SDK1: variants seen among roughly 807,000 people sequenced by gnomAD.
The protein encoded by SDK1 is sidekick cell adhesion molecule 1, also known as protein sidekick-1.
A neutral mutation model predicts 245.5 loss-of-function variants in SDK1; 157 were observed. The observed-to-expected ratio is 0.64, with a 90% CI of 0.56 to 0.73. The LOEUF (loss-of-function observed/expected upper bound fraction) is 0.73, where lower values mean the gene tolerates loss of function less well. Ranked by LOEUF, SDK1 falls within the 30% of genes least tolerant of loss-of-function variation. SDK1 has a pLI of 0.00. For missense variants in SDK1, 3,583 were observed against 3,002.3 expected, an observed-to-expected ratio of 1.19 and a Z score of -4.52; for synonymous variants, 1,647 against 1,278.5, an observed-to-expected ratio of 1.29 and a Z score of -6.15.
chr7:4,039,251 A>G (rs890913106), intron 17 of SDK1, among the ~76,000 whole-genome samples: 1 of 152,098 alleles, frequency 6.6e-6, no homozygotes, highest in Admixed American at 6.5e-5. Flanking sequence ...ATGTATACAT[A>G]TGTAACTAAC....
At chr7:3,624,812 G>C (rs925715065) in intron 2 of SDK1, among the ~76,000 whole-genome samples, 5 of 151,966 alleles carry the variant, frequency 3.3e-5, no homozygotes, top group Non-Finnish European at 7.4e-5. Flanking sequence ...TTGGGAGGCC[G>C]AGGGAGGCGC....
chr7:4,086,029 C>A (rs1346197700), intron 22 of SDK1, among the ~76,000 whole-genome samples: 1 of 152,180 alleles, frequency 6.6e-6, no homozygotes, highest in Non-Finnish European at 1.5e-5. Flanking sequence ...ATTTATTAGA[C>A]TTTTGGTTTT....
chr7:4,037,791 CCTT>C (rs1788327937), intron 17 of SDK1, among the ~76,000 whole-genome samples: 1 of 152,134 alleles, frequency 6.6e-6, no homozygotes, highest in Non-Finnish European at 1.5e-5. Context: ...TACCTAGAGA[CCTT>C]CTCTGCGAAT....
chr7:3,489,210 G>A (rs1008132655), intron 1 of SDK1, among the ~76,000 whole-genome samples: 1 of 152,114 alleles, frequency 6.6e-6, no homozygotes, highest in Non-Finnish European at 1.5e-5. Flanking sequence ...AAGGCAGTTA[G>A]GCAGGCACCA....
chr7:4,202,563 A>C (rs1468989508), intron 35 of SDK1, among the ~76,000 whole-genome samples: 2 of 152,212 alleles, frequency 1.3e-5, no homozygotes, highest in Non-Finnish European at 2.9e-5. Context: ...ACCGCCAGTC[A>C]CAGGGCCATG....
intron 10 of SDK1, among the ~76,000 whole-genome samples, chr7:3,968,045 T>G (rs1157639386): frequency 6.6e-6 from 1 of 152,260 alleles, no homozygotes; most frequent in African/African-American, 2.4e-5. Flanking sequence ...GCCTCAGGCC[T>G]CCTCGGGCCT....
intron 4 of SDK1, among the ~76,000 whole-genome samples, chr7:3,794,403 GT>G (rs1438710519): frequency 6.6e-6 from 1 of 152,210 alleles, no homozygotes; most frequent in Non-Finnish European, 1.5e-5. Flanking sequence ...ACATGCTGTG[GT>G]TTGAATGTTT....
At chr7:3,567,201 TAAG>T (rs1332851615) in intron 1 of SDK1, among the ~76,000 whole-genome samples, 4 of 152,228 alleles carry the variant, frequency 2.6e-5, no homozygotes, top group Non-Finnish European at 5.9e-5. Flanking sequence ...GTTATCTACT[TAAG>T]GAGAACAGTG....
At chr7:4,161,957 C>G in intron 32 of SDK1, 101 bp downstream of exon 32, 1 of 1,081,640 alleles carries the variant, frequency 9.2e-7, no homozygotes, top group Admixed American at 1.8e-5. Context: ...GAGCCCTGAG[C>G]TAAGCGTTTG....
At position 3,391,966 on chromosome 7, in the gene SDK1, A is replaced by AATAT. The variant is rs55768106; in HGVS notation, c.298+90101_298+90104dup. On this transcript the variant is annotated intron_variant, in intron 1 of 44. Transcript: ENST00000404826. ...ATTTTTAAAAGTATGTATATCATGT[A>AATAT]ATATATATATATATATATATATGCA... Among the ~76,000 whole-genome samples, 278 of 144,024 alleles carry AATAT rather than the reference A, an allele frequency of 1.9e-3. 1 individual carries two copies. Among genetic ancestry groups the AATAT allele is most frequent in the South Asian group, 3.9e-3 (18 of 4,596 alleles). The allele number at this position is 144,024 out of a possible 152,430, so 94.5% of individuals were successfully genotyped here. A position where few individuals can be genotyped will look rare whatever the true frequency, so the allele number is the denominator to read the frequency against.
At chr7:4,016,270 A>G (rs898694728) in intron 16 of SDK1, among the ~76,000 whole-genome samples, 1 of 152,246 alleles carries the variant, frequency 6.6e-6, no homozygotes, top group Non-Finnish European at 1.5e-5. Flanking sequence ...ACTGTGAGGC[A>G]GGAGCCACTT....
intron 32 of SDK1, among the ~76,000 whole-genome samples, chr7:4,173,740 G>GGGT (rs1478545530): frequency 6.6e-6 from 1 of 152,198 alleles, no homozygotes; most frequent in African/African-American, 2.4e-5. Context: ...CGGCACAGTG[G>GGGT]GGTGGCCTGG....
intron 4 of SDK1, among the ~76,000 whole-genome samples, chr7:3,750,309 A>C (rs1284590889): frequency 1.3e-5 from 2 of 152,220 alleles, no homozygotes; most frequent in African/African-American, 4.8e-5. Flanking sequence ...TGGCAAGGAA[A>C]CTAAACCATT....
At chr7:3,311,291 A>G (rs1050469568) in intron 1 of SDK1, among the ~76,000 whole-genome samples, 1 of 152,158 alleles carries the variant, frequency 6.6e-6, no homozygotes, top group Non-Finnish European at 1.5e-5. Context: ...TGGAATGGTC[A>G]GTCTTGCTTA....
chr7:3,853,857 C>T (rs907511223), intron 5 of SDK1, among the ~76,000 whole-genome samples: 6 of 151,942 alleles, frequency 3.9e-5, no homozygotes, highest in African/African-American at 7.3e-5. Context: ...GGCTTGGTGG[C>T]GCACCCCTGT....
rs539074340 is a variant in SDK1, at chr7:3,779,461, A to T, written c.714-41989A>T. ...CAAAGCCAGTAACCTATTTTTTTTA[A>T]AAAAAAAAAACAAGGACAAATTTAA... On this transcript the variant is annotated intron_variant, in intron 4 of 44. Transcript: ENST00000404826. 7.3e-3 allele frequency among the ~76,000 whole-genome samples: 1,100 copies of T among 149,882 alleles called. 20 individuals are homozygous for T. Among genetic ancestry groups the T allele is most frequent in the African/African-American group, 0.025 (1,018 of 40,864 alleles).
In SDK1 at chr7:4,264,582, G is replaced by GA. The variant is rs201223361; in HGVS notation, c.6382-542_6382-541insA. ...GAGGCCGCGTGGACCTCTCCTGAGT[G>GA]GGGAGGCCGCGTGGACCTCTCCTGA... On this transcript the variant is annotated intron_variant, in intron 44 of 44. Coordinates refer to ENST00000404826, the MANE Select transcript of SDK1 (RefSeq NM_152744.4). 4.5e-3 allele frequency among the ~76,000 whole-genome samples: 225 copies of GA among 49,922 alleles called. 19 individuals are homozygous for GA. The highest frequency in any genetic ancestry group is 0.016 in the African/African-American group (82 of 5,090). 32.8% of individuals were successfully genotyped at this position (49,922 alleles called of 152,430 possible).
intron 44 of SDK1, among the ~76,000 whole-genome samples, chr7:4,247,327 A>T (rs781710386): frequency 4.6e-5 from 7 of 152,192 alleles, no homozygotes; most frequent in African/African-American, 9.6e-5. Flanking sequence ...CTGTTTACAG[A>T]GGATGCCGGG....
At chr7:3,744,423 G>A (rs1351258228) in intron 4 of SDK1, among the ~76,000 whole-genome samples, 3 of 151,930 alleles carry the variant, frequency 2.0e-5, no homozygotes, top group Non-Finnish European at 4.4e-5. Flanking sequence ...ACATATACTA[G>A]GTATCCAGTA....
Sources: allele counts gnomAD v4.1 joint callset (sites outside exome capture counted in the v4.1 genomes callset), GRCh38; gene constraint gnomAD v4.1.1; transcripts MANE v1.5; gene names NCBI Gene and HGNC (gene_info 2026-07-23, HGNC 2026-07-21).